SLC25A21: variants seen among roughly 807,000 people sequenced by gnomAD.
The protein encoded by SLC25A21 is mitochondrial 2-oxodicarboxylate carrier.
SLC25A21 carries 47 observed loss-of-function variants against 43.8 expected under a neutral mutation model. The ratio of observed to expected loss-of-function variants is 1.07; its 90% CI spans 0.85 to 1.37. The LOEUF (loss-of-function observed/expected upper bound fraction) is 1.37. Among genes scored for constraint, SLC25A21 ranks in the 40% most tolerant of loss-of-function variants. The pLI is 0.00. For missense variants in SLC25A21, 352 were observed against 350.2 expected (o/e 1.00, Z -0.04); for synonymous variants, 131 against 121.3 (o/e 1.08, Z -0.52).
chr14:36,845,443 T>A (rs1049239259), intron 2 of SLC25A21, among the ~76,000 whole-genome samples: 3 of 152,124 alleles, frequency 2.0e-5, no homozygotes, highest in Non-Finnish European at 4.4e-5. Flanking sequence ...ACAGTAGAAA[T>A]GATATGCCAG....
At chr14:36,833,056 A>C (rs966700247) in intron 2 of SLC25A21, among the ~76,000 whole-genome samples, 4 of 152,240 alleles carry the variant, frequency 2.6e-5, no homozygotes, top group Non-Finnish European at 5.9e-5. Flanking sequence ...CTATCTATAA[A>C]GTGCATAGCA....
chr14:36,705,559 GCTCA>G (rs1164428844), intron 7 of SLC25A21, among the ~76,000 whole-genome samples: 22 of 151,982 alleles, frequency 1.4e-4, no homozygotes, highest in Admixed American at 1.4e-3. Flanking sequence ...CTCCACCGCT[GCTCA>G]CTTTCTCCCA....
At chr14:36,878,777 G>A (rs925192877) in intron 1 of SLC25A21, among the ~76,000 whole-genome samples, 4 of 151,992 alleles carry the variant, frequency 2.6e-5, no homozygotes, top group East Asian at 3.9e-4. Flanking sequence ...TCCTAATTGC[G>A]ATTTTAAGAC....
intron 3 of SLC25A21, among the ~76,000 whole-genome samples, chr14:36,760,792 G>A (rs897193185): frequency 6.6e-6 from 1 of 152,058 alleles, no homozygotes; most frequent in Non-Finnish European, 1.5e-5. Context: ...CCCAGGAGAG[G>A]GCTTTAGCTC....
At chr14:37,052,089 C>T (rs991732179) in intron 1 of SLC25A21, among the ~76,000 whole-genome samples, 1 of 152,204 alleles carries the variant, frequency 6.6e-6, no homozygotes, top group Non-Finnish European at 1.5e-5. Flanking sequence ...ATTATTTAAA[C>T]ACACAGTTGT....
chr14:36,911,330 G>A (rs1891680889), intron 1 of SLC25A21, among the ~76,000 whole-genome samples: 1 of 152,062 alleles, frequency 6.6e-6, no homozygotes, highest in African/African-American at 2.4e-5. Flanking sequence ...TATTTTATTA[G>A]ACCACAAGGA....
rs112429500 is a variant in SLC25A21, at chr14:36,716,096, TAATA to T, written c.439-4618_439-4615del. ...ACAGAGTGAGACTCTGTCTCAAAAA[TAATA>T]AATAAATAAATAAATAAATAAGCAG... On this transcript the variant is annotated intron_variant, in intron 6 of 9. Transcript: ENST00000331299. 1.1e-4 allele frequency among the ~76,000 whole-genome samples: 17 copies of T among 151,460 alleles called. No individual in the cohort carries two copies. In the South Asian group the frequency reaches 2.7e-3, roughly 24 times the overall value.
intron 1 of SLC25A21, among the ~76,000 whole-genome samples, chr14:37,024,514 A>C (rs182012104): frequency 4.9e-4 from 75 of 152,202 alleles, no homozygotes; most frequent in African/African-American, 1.8e-3. Flanking sequence ...TGGTTTCTCC[A>C]CATGAAGTCT....
intron 1 of SLC25A21, among the ~76,000 whole-genome samples, chr14:37,082,680 C>T (rs1278873267): frequency 6.6e-6 from 1 of 152,144 alleles, no homozygotes; most frequent in Non-Finnish European, 1.5e-5. Context: ...CCCACCCATC[C>T]TGAAGTACCT....
intron 7 of SLC25A21, 21 bp from the exon 8 acceptor site, chr14:36,684,946 T>C (rs765071286): frequency 4.2e-5 from 67 of 1,599,018 alleles, no homozygotes; most frequent in Non-Finnish European, 5.5e-5. Context: ...AGAAGAATAA[T>C]ATAACAGAAA....
chr14:36,709,132 C>T (rs545446075), intron 7 of SLC25A21, among the ~76,000 whole-genome samples: 1 of 152,180 alleles, frequency 6.6e-6, no homozygotes, highest in Non-Finnish European at 1.5e-5. Context: ...CTCAGCCTCC[C>T]GAGTAGCTGG....
At position 37,172,526 on chromosome 14, in the gene SLC25A21, C is replaced by T; in HGVS notation, c.-176G>A. 2 of 750,718 alleles carry T rather than the reference C, an allele frequency of 2.7e-6. No homozygotes were observed. The highest frequency in any genetic ancestry group is 2.4e-6 in the Non-Finnish European group (1 of 423,302). 46.5% of individuals were successfully genotyped at this position (750,718 alleles called of 1,614,324 possible). A position where few individuals can be genotyped will look rare whatever the true frequency, so the allele number is the denominator to read the frequency against. ...GAGGGTTCGAGGCGCAGATTCGTCG[C>T]GCGATCTCCGGCGCGTCGGAACCTG... On this transcript the variant is annotated 5_prime_UTR_variant, in exon 1 of 10. Transcript: ENST00000331299.
intron 2 of SLC25A21, among the ~76,000 whole-genome samples, chr14:36,874,732 T>C (rs1890469491): frequency 6.6e-6 from 1 of 152,254 alleles, no homozygotes; most frequent in South Asian, 2.1e-4. Flanking sequence ...ACGGTTGTCA[T>C]ATAAAGGCAG....
chr14:37,043,479 T>G (rs181385139), intron 1 of SLC25A21, among the ~76,000 whole-genome samples: 210 of 152,298 alleles, frequency 1.4e-3, no homozygotes, highest in African/African-American at 5.0e-3. Context: ...CTATCACCTC[T>G]GGGTTTTGGC....
chr14:37,010,003 C>T (rs1005874145), intron 1 of SLC25A21, among the ~76,000 whole-genome samples: 6 of 152,160 alleles, frequency 3.9e-5, no homozygotes, highest in Admixed American at 1.3e-4. Flanking sequence ...GTGGGAAGAA[C>T]GTTTAGAGTC....
chr14:37,059,674 G>T (rs982875266), intron 1 of SLC25A21, among the ~76,000 whole-genome samples: 3 of 152,122 alleles, frequency 2.0e-5, no homozygotes, highest in Admixed American at 2.0e-4. Context: ...TGCCCACAAA[G>T]GCACACCTGC....
At chr14:37,030,207 A>G (rs182585842) in intron 1 of SLC25A21, among the ~76,000 whole-genome samples, 1 of 152,222 alleles carries the variant, frequency 6.6e-6, no homozygotes, top group Non-Finnish European at 1.5e-5. Context: ...ATTAAGTGGA[A>G]GTAGATCATC....
At chr14:36,819,427 T>C (rs17105419) in intron 2 of SLC25A21, among the ~76,000 whole-genome samples, 1,671 of 152,274 alleles carry the variant, frequency 0.011, 21 homozygotes, top group African/African-American at 0.038. Flanking sequence ...GACTGCAGCA[T>C]TTCGCACTGT....
At chr14:37,144,387 A>T (rs996108072) in intron 1 of SLC25A21, among the ~76,000 whole-genome samples, 2 of 152,212 alleles carry the variant, frequency 1.3e-5, no homozygotes, top group African/African-American at 4.8e-5. Context: ...ACACACATAT[A>T]CATTCTCTTC....
Sources: allele counts gnomAD v4.1 joint callset (sites outside exome capture counted in the v4.1 genomes callset), GRCh38; gene constraint gnomAD v4.1.1; transcripts MANE v1.5; gene names NCBI Gene and HGNC (gene_info 2026-07-23, HGNC 2026-07-21).